The following LINC00632 variants were observed in gnomAD, a reference collection of about 807,000 sequenced individuals.
LINC00632 encodes the protein ALDOA related specific transcript.
chrX:140,711,207 A>G (rs1930507989), intron 1 of LINC00632, among the ~76,000 whole-genome samples: 1 of 111,635 alleles, frequency 9.0e-6, no homozygotes, highest in African/African-American at 3.2e-5. Flanking sequence ...TTATAAAAAT[A>G]TCATAGTCAT....
intron 2 of LINC00632, among the ~76,000 whole-genome samples, chrX:140,727,613 G>A (rs1213730852): frequency 1.8e-5 from 2 of 111,427 alleles, no homozygotes; most frequent in African/African-American, 6.5e-5. Flanking sequence ...TTACCTCACA[G>A]TGCAAAAATT....
exon 4 of LINC00632, among the ~76,000 whole-genome samples, chrX:140,773,792 T>G (rs1261316373): frequency 1.8e-5 from 2 of 112,116 alleles, no homozygotes; most frequent in Non-Finnish European, 3.8e-5. Flanking sequence ...CTTCAACTCT[T>G]GCATCTGAGA....
intron 3 of LINC00632, among the ~76,000 whole-genome samples, chrX:140,734,967 G>C (rs890731887): frequency 9.1e-6 from 1 of 110,003 alleles, no homozygotes; most frequent in African/African-American, 3.3e-5. Flanking sequence ...GTTTCACCAT[G>C]TTGGCCAGGC....
intron 3 of LINC00632, among the ~76,000 whole-genome samples, chrX:140,769,545 G>C (rs1387985896): frequency 9.1e-6 from 1 of 109,498 alleles, no homozygotes; most frequent in Middle Eastern, 4.7e-3. Context: ...GGAAGAATAG[G>C]TCAGATTAAT....
chrX:140,736,900 C>CTT (rs757869831), intron 3 of LINC00632, among the ~76,000 whole-genome samples: 6 of 94,434 alleles, frequency 6.4e-5, no homozygotes, highest in Admixed American at 1.2e-4. Context: ...TTTTTCTTTT[C>CTT]TTTTTTTTTT....
At chrX:140,732,198 C>T (rs1931069751) in intron 2 of LINC00632, among the ~76,000 whole-genome samples, 1 of 110,605 alleles carries the variant, frequency 9.0e-6, no homozygotes, top group African/African-American at 3.3e-5. Context: ...GAGTGAAACT[C>T]CACCTCAAAA....
chrX:140,781,261 GA>G (rs1381760065), exon 5 of LINC00632, among the ~76,000 whole-genome samples: 2 of 111,403 alleles, frequency 1.8e-5, no homozygotes, highest in Admixed American at 9.6e-5. Flanking sequence ...TGTCACTTAA[GA>G]AATTACATGT....
exon 4 of LINC00632, among the ~76,000 whole-genome samples, chrX:140,773,206 AAGAAGAGAAG>A (rs200954862): frequency 3.7e-5 from 4 of 109,095 alleles, no homozygotes; most frequent in South Asian, 7.7e-4. Context: ...GAAGAGAAGA[AAGAAGAGAAG>A]AGAAGAGAAG....
chrX:140,720,323 C>A (rs183249913), intron 2 of LINC00632, among the ~76,000 whole-genome samples: 1 of 111,011 alleles, frequency 9.0e-6, no homozygotes, highest in African/African-American at 3.3e-5. Flanking sequence ...CCTGGACATA[C>A]CCCACTTCAA....
chrX:140,778,618 GAAAAA>G (rs57214136), exon 5 of LINC00632, among the ~76,000 whole-genome samples: 43 of 40,297 alleles, frequency 1.1e-3, no homozygotes, highest in Non-Finnish European at 1.2e-3. Flanking sequence ...AACAAACAAA[GAAAAA>G]AAAAAAAAAA....
At chrX:140,768,914 G>A (rs1341096304) in intron 3 of LINC00632, among the ~76,000 whole-genome samples, 2 of 107,004 alleles carry the variant, frequency 1.9e-5, no homozygotes, top group South Asian at 7.9e-4. Flanking sequence ...ATGTCTTTCT[G>A]ATGGTCATAT....
intron 2 of LINC00632, among the ~76,000 whole-genome samples, chrX:140,724,511 C>CCA (rs1470223103): frequency 1.0e-4 from 11 of 105,508 alleles, no homozygotes; most frequent in African/African-American, 4.0e-4. Context: ...CACACACATT[C>CCA]CATACACACA....
exon 5 of LINC00632, among the ~76,000 whole-genome samples, chrX:140,789,150 G>A (rs1183564074): frequency 2.8e-5 from 3 of 108,441 alleles, no homozygotes; most frequent in African/African-American, 6.6e-5. Context: ...ATGAAAATAC[G>A]TAACGGAGTG....
At chrX:140,773,198 A>G (rs1238902109) in exon 4 of LINC00632, among the ~76,000 whole-genome samples, 1 of 108,516 alleles carries the variant, frequency 9.2e-6, no homozygotes, top group Admixed American at 1.0e-4. Context: ...AGAAAAGAGA[A>G]GAGAAGAAAG....
chrX:140,785,715 A>T (rs762364167), exon 5 of LINC00632, among the ~76,000 whole-genome samples: 1 of 112,017 alleles, frequency 8.9e-6, no homozygotes, highest in East Asian at 2.8e-4. Context: ...GGAAGAATAT[A>T]AGGAAGCACT....
chrX:140,715,928 A>C (rs1427126858), intron 2 of LINC00632: 5 of 112,065 alleles, frequency 4.5e-5, no homozygotes, highest in Non-Finnish European at 9.4e-5. Context: ...TTACTCTGTA[A>C]CATACTAAAT....
At chrX:140,717,339 G>A (rs774678789) in intron 2 of LINC00632, among the ~76,000 whole-genome samples, 2 of 110,037 alleles carry the variant, frequency 1.8e-5, no homozygotes, top group Non-Finnish European at 3.8e-5. Flanking sequence ...GCCCCACATC[G>A]CCTAAGTTGC....
At chrX:140,749,926 G>T (rs1037359175) in intron 3 of LINC00632, among the ~76,000 whole-genome samples, 1 of 110,521 alleles carries the variant, frequency 9.0e-6, no homozygotes. Context: ...ACTCCTGGGC[G>T]CAAGTGATCC....
intron 3 of LINC00632, among the ~76,000 whole-genome samples, chrX:140,742,290 C>T (rs2207506): frequency 9.0e-6 from 1 of 111,493 alleles, no homozygotes; most frequent in Non-Finnish European, 1.9e-5. Context: ...CCACCAATTG[C>T]ACCTGATATA....
Sources: gnomAD v4.1 joint callset for allele counts (sites outside exome capture counted in the v4.1 genomes callset) on GRCh38, gnomAD v4.1.1 for gene constraint, MANE v1.5 for transcripts, NCBI Gene and HGNC (gene_info 2026-07-23, HGNC 2026-07-21) for gene names.